Variants in PAQR5 observed in about 807,000 individuals in gnomAD.
The protein encoded by PAQR5 is membrane progestin receptor gamma.
PAQR5 carries 20 observed loss-of-function variants against 34.5 expected under a neutral mutation model. The ratio of observed to expected loss-of-function variants is 0.58; its 90% CI spans 0.41 to 0.84. The LOEUF (loss-of-function observed/expected upper bound fraction) is 0.84, where lower values mean the gene tolerates loss of function less well. Among genes scored for constraint, PAQR5 ranks in the 40% least tolerant of loss-of-function variants. The pLI is 0.00. For missense variants in PAQR5, 378 were observed against 412.7 expected (o/e 0.92, Z 0.73); for synonymous variants, 131 against 155.6 (o/e 0.84, Z 1.18).
chr15:69,349,475 C>T (rs2054855005), intron 2 of PAQR5, among the ~76,000 whole-genome samples: 1 of 151,934 alleles, frequency 6.6e-6, no homozygotes, highest in Admixed American at 6.5e-5. Flanking sequence ...TGGATCAGGC[C>T]GAATTTATTG....
chr15:69,371,641 C>G (rs941428474), intron 3 of PAQR5, among the ~76,000 whole-genome samples: 2 of 152,186 alleles, frequency 1.3e-5, no homozygotes, highest in Non-Finnish European at 2.9e-5. Flanking sequence ...ATCTTCTCTT[C>G]ACAGTCCAGA....
rs563185707 is a variant in PAQR5, at chr15:69,358,543, T to C, written c.-115-1423T>C. On this transcript the variant is annotated intron_variant, in intron 2 of 8. Coordinates refer to ENST00000395407, the MANE Select transcript of PAQR5 (RefSeq NM_017705.4). ...CCCAGCTCCCTGCTGCGGTGCGGCCTTGGGAAAGTTATTCCGCCCCTCCCA... is the reference window on the plus strand; with the variant it reads ...CCCAGCTCCCTGCTGCGGTGCGGCCCTGGGAAAGTTATTCCGCCCCTCCCA... 2.6e-5 allele frequency among the ~76,000 whole-genome samples: 4 copies of C among 152,178 alleles called. No homozygotes were observed. In the South Asian group the frequency reaches 6.2e-4, roughly 24 times the overall value.
chr15:69,366,187 C>T (rs1057016350), intron 3 of PAQR5, among the ~76,000 whole-genome samples: 1 of 152,170 alleles, frequency 6.6e-6, no homozygotes, highest in Non-Finnish European at 1.5e-5. Context: ...TGGATATCTC[C>T]CACAAATGGG....
At chr15:69,362,013 A>G (rs930902404) in intron 3 of PAQR5, among the ~76,000 whole-genome samples, 4 of 152,024 alleles carry the variant, frequency 2.6e-5, no homozygotes, top group African/African-American at 9.7e-5. Flanking sequence ...CTGCTTAGAT[A>G]TCTTTCTGGA....
intron 5 of PAQR5, among the ~76,000 whole-genome samples, chr15:69,388,857 G>A (rs1246507875): frequency 2.6e-5 from 4 of 152,214 alleles, no homozygotes; most frequent in African/African-American, 9.6e-5. Context: ...TGGCCATCAG[G>A]CCTTGGGCTG....
At chr15:69,403,539 C>T in intron 8 of PAQR5, 42 bp from the exon 9 acceptor site, 1 of 1,606,058 alleles carries the variant, frequency 6.2e-7, no homozygotes, top group South Asian at 1.1e-5. Flanking sequence ...GTACTCATTC[C>T]TTTTCATTGC....
chr15:69,396,040 T>C (rs2056419805), intron 6 of PAQR5, among the ~76,000 whole-genome samples: 1 of 151,656 alleles, frequency 6.6e-6, no homozygotes, highest in African/African-American at 2.4e-5. Context: ...GCCTGGAGAA[T>C]GTCCGCATCC....
intron 3 of PAQR5, among the ~76,000 whole-genome samples, chr15:69,376,013 A>G (rs2055696547): frequency 6.6e-6 from 1 of 152,240 alleles, no homozygotes; most frequent in Non-Finnish European, 1.5e-5. Context: ...GCCATGCAAG[A>G]AGGCTTTCCT....
chr15:69,358,738 C>A (rs2055149669), intron 2 of PAQR5, among the ~76,000 whole-genome samples: 1 of 146,846 alleles, frequency 6.8e-6, no homozygotes, highest in Non-Finnish European at 1.5e-5. Flanking sequence ...CTGAAGTGAT[C>A]TCACTTTAGC....
chr15:69,319,227 C>A (rs1306384963), intron 1 of PAQR5, among the ~76,000 whole-genome samples: 1 of 135,772 alleles, frequency 7.4e-6, no homozygotes, highest in Admixed American at 7.3e-5. Context: ...GTGGTCTCTC[C>A]CTCTCCCACT....
Position 69,404,707 on chromosome 15 carries a change from T to C in PAQR5, c.*885T>C, listed in dbSNP as rs2056728770. 7.9e-6 allele frequency: 3 copies of C among 378,472 alleles called. No homozygotes were observed. Among genetic ancestry groups the C allele is most frequent in the Admixed American group, 9.0e-5 (2 of 22,164 alleles). 23.4% of individuals were successfully genotyped at this position (378,472 alleles called of 1,614,324 possible). On this transcript the variant is annotated 3_prime_UTR_variant, in exon 9 of 9. Coordinates refer to ENST00000395407, the MANE Select transcript of PAQR5 (RefSeq NM_017705.4). ...TGATATTGCTTCAGCATTTCAAATA[T>C]GTTGCAAAATTTAGTATCCATATGC...
intron 5 of PAQR5, among the ~76,000 whole-genome samples, chr15:69,388,393 A>G (rs1486563348): frequency 6.6e-6 from 1 of 152,154 alleles, no homozygotes; most frequent in East Asian, 1.9e-4. Flanking sequence ...TTCCAAGATC[A>G]GCTCCTGTGC....
intron 1 of PAQR5, 99 bp downstream of exon 1, chr15:69,299,155 G>C (rs973327868): frequency 3.9e-5 from 6 of 152,198 alleles, no homozygotes; most frequent in South Asian, 2.1e-4. Context: ...TGCGCCCGTG[G>C]AGCCCGTTGA....
intron 6 of PAQR5, among the ~76,000 whole-genome samples, chr15:69,393,630 G>A (rs1229673084): frequency 6.6e-6 from 1 of 152,080 alleles, no homozygotes; most frequent in Non-Finnish European, 1.5e-5. Flanking sequence ...TGCTCCATCC[G>A]GCTGCAGTTG....
At chr15:69,397,386 C>T (rs750894870) in intron 6 of PAQR5, 82 bp from the exon 7 acceptor site, 18 of 897,968 alleles carry the variant, frequency 2.0e-5, no homozygotes, top group Middle Eastern at 2.1e-4. Context: ...TGACCAGGCC[C>T]TCGGTGTGCA....
At chr15:69,361,403 C>T (rs552805028) in intron 3 of PAQR5, among the ~76,000 whole-genome samples, 1 of 152,272 alleles carries the variant, frequency 6.6e-6, no homozygotes, top group African/African-American at 2.4e-5. Flanking sequence ...TAGGGTCTAT[C>T]TTAAGACAGG....
In PAQR5 at chr15:69,348,570, G is replaced by A. The variant is rs74997618; in HGVS notation, c.-116+11069G>A. ...ATTCCCTGCTTCTCAGGGTTTGCAT[G>A]TGTTAGTTGGGTACTGTGAGGGTTA... On this transcript the variant is annotated intron_variant, in intron 2 of 8. Transcript: ENST00000395407. 2.8e-3 allele frequency among the ~76,000 whole-genome samples: 432 copies of A among 152,284 alleles called. 10 individuals are homozygous for A. In the East Asian group the frequency reaches 0.073, roughly 26 times the overall value.
intron 3 of PAQR5, chr15:69,379,376 C>G (rs2055814691): frequency 2.1e-6 from 2 of 965,848 alleles, no homozygotes; most frequent in East Asian, 2.3e-4. Flanking sequence ...GCCCAGGCAT[C>G]AGCATCGTGG....
chr15:69,389,923 T>C, intron 6 of PAQR5, 143 bp downstream of exon 6: 1 of 934,030 alleles, frequency 1.1e-6, no homozygotes, highest in Non-Finnish European at 1.6e-6. Context: ...GTGGACTTCC[T>C]ATGCTGGCAA....
Sources: allele counts gnomAD v4.1 joint callset (sites outside exome capture counted in the v4.1 genomes callset), GRCh38; gene constraint gnomAD v4.1.1; transcripts MANE v1.5; gene names NCBI Gene and HGNC (gene_info 2026-07-23, HGNC 2026-07-21).